FGF13: variants seen among roughly 807,000 people sequenced by gnomAD.
FGF13 encodes fibroblast growth factor 13.
FGF13 carries 2 observed loss-of-function variants against 19.5 expected under a neutral mutation model. The observed-to-expected ratio is 0.10, with a 90% CI of 0.04 to 0.32. The LOEUF (loss-of-function observed/expected upper bound fraction) is 0.32. FGF13 is among the 10% of genes least tolerant of loss of function. FGF13 has a pLI of 1.00. For missense variants in FGF13, 113 were observed against 192.7 expected (o/e 0.59, Z 2.45); for synonymous variants, 72 against 76.9 (o/e 0.94, Z 0.33).
chrX:138,979,633 C>G (rs1168601407), intron 1 of FGF13, among the ~76,000 whole-genome samples: 1 of 109,868 alleles, frequency 9.1e-6, no homozygotes, highest in Non-Finnish European at 1.9e-5. Context: ...AGCATTGTAC[C>G]AGAGGGCAAG....
rs779417573 is a variant in FGF13, at chrX:138,917,490, C to G, written c.-112-52840G>C. ...GAAATGTGGGAGATAAATGCCTATT[C>G]TTTAATCCACTCAGTCTGTGGTATT... On this transcript the variant is annotated intron_variant, in intron 1 of 2. Coordinates refer to the FGF13 transcript ENST00000421460. Among the ~76,000 whole-genome samples the G allele has an allele frequency of 3.8e-4, 42 of 111,953 alleles. 1 individual carries two copies. Among genetic ancestry groups the G allele is most frequent in the Non-Finnish European group, 5.8e-4 (31 of 53,168 alleles).
At chrX:139,047,935 T>C (rs2092292798) in intron 1 of FGF13, among the ~76,000 whole-genome samples, 1 of 111,552 alleles carries the variant, frequency 9.0e-6, no homozygotes, top group Non-Finnish European at 1.9e-5. Flanking sequence ...GTAGGAGTAT[T>C]TTTATATTAG....
intron 1 of FGF13, among the ~76,000 whole-genome samples, chrX:139,065,494 A>T (rs1386700463): frequency 5.5e-5 from 5 of 91,236 alleles, no homozygotes; most frequent in African/African-American, 2.5e-4. Context: ...AAAAAAAAAA[A>T]AGAAAAAGAA....
intron 3 of FGF13, among the ~76,000 whole-genome samples, chrX:138,829,436 C>G (rs2091056448): frequency 9.0e-6 from 1 of 111,409 alleles, no homozygotes; most frequent in Non-Finnish European, 1.9e-5. Flanking sequence ...CATGTGATCT[C>G]TGCAGACGCC....
chrX:138,817,660 A>C (rs747314218), intron 3 of FGF13, among the ~76,000 whole-genome samples: 71 of 112,037 alleles, frequency 6.3e-4, no homozygotes, highest in African/African-American at 2.0e-3. Flanking sequence ...ACTCAAAGAC[A>C]GCACAATGAT....
At chrX:138,849,626 G>A (rs973080733) in intron 3 of FGF13, among the ~76,000 whole-genome samples, 1 of 111,343 alleles carries the variant, frequency 9.0e-6, no homozygotes, top group Non-Finnish European at 1.9e-5. Flanking sequence ...TATGGACATG[G>A]AACATAGCCT....
At chrX:138,818,454 A>G (rs1394461527) in intron 3 of FGF13, among the ~76,000 whole-genome samples, 1 of 107,290 alleles carries the variant, frequency 9.3e-6, no homozygotes, top group East Asian at 3.0e-4. Flanking sequence ...TCCTAAAGTT[A>G]TCTAATCATA....
chrX:139,158,549 C>A (rs1045341092), intron 1 of FGF13, among the ~76,000 whole-genome samples: 2 of 111,245 alleles, frequency 1.8e-5, no homozygotes, highest in Admixed American at 9.6e-5. Flanking sequence ...CAGACTGCCT[C>A]TCTAGATTCC....
At chrX:138,830,687 T>G (rs764401942) in intron 3 of FGF13, among the ~76,000 whole-genome samples, 5 of 87,503 alleles carry the variant, frequency 5.7e-5, no homozygotes, top group Admixed American at 1.4e-4. Context: ...AAAGGGGTGT[T>G]TGTGTGTGTG....
At chrX:138,951,519 T>C (rs754890603) in intron 1 of FGF13, among the ~76,000 whole-genome samples, 128 of 111,746 alleles carry the variant, frequency 1.1e-3, no homozygotes, top group Non-Finnish European at 1.3e-3. Flanking sequence ...AAAGAACTTA[T>C]ATTCATAACT....
intron 1 of FGF13, among the ~76,000 whole-genome samples, chrX:139,008,528 CTT>C (rs1197640387): frequency 8.9e-6 from 1 of 112,229 alleles, no homozygotes; most frequent in African/African-American, 3.2e-5. Context: ...TCACGGGACT[CTT>C]TGCAGACACT....
intron 1 of FGF13, among the ~76,000 whole-genome samples, chrX:138,918,969 A>G (rs966846983): frequency 1.8e-5 from 2 of 111,573 alleles, no homozygotes; most frequent in Non-Finnish European, 3.8e-5. Flanking sequence ...GGTGCTTCCA[A>G]ATTAGATCAG....
chrX:139,135,225 C>G (rs1473530261), intron 1 of FGF13, among the ~76,000 whole-genome samples: 5 of 111,698 alleles, frequency 4.5e-5, no homozygotes, highest in Middle Eastern at 4.6e-3. Context: ...TTTGCAATGT[C>G]TTGTAGGTAT....
intron 3 of FGF13, among the ~76,000 whole-genome samples, chrX:138,826,854 C>T (rs1314130113): frequency 2.7e-5 from 3 of 112,287 alleles, no homozygotes; most frequent in Non-Finnish European, 5.6e-5. Context: ...GAGATCCTAG[C>T]TCAATAGCTA....
At chrX:138,680,745 C>T (rs2089719424) in intron 3 of FGF13, among the ~76,000 whole-genome samples, 1 of 111,403 alleles carries the variant, frequency 9.0e-6, no homozygotes, top group African/African-American at 3.3e-5. Context: ...TGAGCATTGG[C>T]TGCAGCTACA....
In FGF13 at chrX:138,978,266, G is replaced by GTTTTTTTT. The variant is rs10666140; in HGVS notation, c.-112-113624_-112-113617dup. On this transcript the variant is annotated intron_variant, in intron 1 of 2. Coordinates refer to the FGF13 transcript ENST00000421460. ...TAATCTCTATGGGCTAGCTGCCCTG[G>GTTTTTTTT]TTTTTTTTTTTTTTGAGATGGAGTC... Among the ~76,000 whole-genome samples the GTTTTTTTT allele has an allele frequency of 3.6e-5, 3 of 82,891 alleles. 1 individual carries two copies. The highest frequency in any genetic ancestry group is 1.5e-4 in the African/African-American group (3 of 20,402). 72.0% of individuals were successfully genotyped at this position (82,891 alleles called of 115,157 possible).
intron 1 of FGF13, among the ~76,000 whole-genome samples, chrX:138,868,956 C>T (rs747482372): frequency 2.7e-5 from 3 of 110,260 alleles, no homozygotes; most frequent in Non-Finnish European, 3.8e-5. Flanking sequence ...CTAGTGCTAG[C>T]GGCAAAAAAA....
intron 1 of FGF13, among the ~76,000 whole-genome samples, chrX:138,719,257 T>C (rs1027630828): frequency 5.3e-5 from 6 of 112,174 alleles, no homozygotes; most frequent in African/African-American, 1.9e-4. Context: ...AGTTTTTTTT[T>C]CTTTAACAAA....
intron 3 of FGF13, among the ~76,000 whole-genome samples, chrX:138,693,575 T>C (rs1005356892): frequency 8.9e-6 from 1 of 111,901 alleles, no homozygotes; most frequent in African/African-American, 3.2e-5. Context: ...CAGAAATGTT[T>C]AATCCCATAA....
Sources: allele counts gnomAD v4.1 joint callset (sites outside exome capture counted in the v4.1 genomes callset), GRCh38; gene constraint gnomAD v4.1.1; transcripts MANE v1.5; gene names NCBI Gene and HGNC (gene_info 2026-07-23, HGNC 2026-07-21).